The following FGF13 variants were observed in gnomAD, a reference collection of about 807,000 sequenced individuals.
FGF13 encodes the protein fibroblast growth factor 13.
A neutral mutation model predicts 19.5 loss-of-function variants in FGF13; 2 were observed. The ratio of observed to expected loss-of-function variants is 0.10; its 90% CI spans 0.04 to 0.32. The LOEUF (loss-of-function observed/expected upper bound fraction) is 0.32. FGF13 is among the 10% of genes least tolerant of loss of function. FGF13 has a pLI of 1.00. For synonymous variants in FGF13, 72 were observed against 76.9 expected (o/e 0.94, Z 0.33); for missense variants, 113 against 192.7 (o/e 0.59, Z 2.45).
chrX:139,135,849 T>C (rs2083795691), intron 1 of FGF13, among the ~76,000 whole-genome samples: 2 of 111,459 alleles, frequency 1.8e-5, no homozygotes, highest in Admixed American at 9.6e-5. Flanking sequence ...CCTATGGGGG[T>C]TCTGTCTCTG....
intron 3 of FGF13, among the ~76,000 whole-genome samples, chrX:138,781,485 A>G (rs901036121): frequency 1.8e-5 from 2 of 109,331 alleles, no homozygotes; most frequent in Non-Finnish European, 3.8e-5. Flanking sequence ...TAAAGGGGAT[A>G]TCACCACCGA....
chrX:139,131,878 G>C (rs1160712039), intron 1 of FGF13, among the ~76,000 whole-genome samples: 1 of 111,996 alleles, frequency 8.9e-6, no homozygotes, highest in Non-Finnish European at 1.9e-5. Flanking sequence ...TTTGCTACCA[G>C]TCTATTCATG....
chrX:139,102,652 T>C (rs1312309761), intron 1 of FGF13, among the ~76,000 whole-genome samples: 1 of 112,291 alleles, frequency 8.9e-6, no homozygotes, highest in African/African-American at 3.2e-5. Flanking sequence ...TAATAAGTCA[T>C]ACTTGATCCC....
At chrX:139,137,023 G>A (rs1185667545) in intron 1 of FGF13, among the ~76,000 whole-genome samples, 9 of 112,047 alleles carry the variant, frequency 8.0e-5, no homozygotes, top group Non-Finnish European at 1.5e-4. Flanking sequence ...ATTACACCTA[G>A]TATTAAGCCT....
chrX:138,665,299 C>T (rs2089530352), intron 3 of FGF13, among the ~76,000 whole-genome samples: 2 of 111,111 alleles, frequency 1.8e-5, no homozygotes, highest in South Asian at 3.8e-4. Context: ...GGGTTCAGCT[C>T]GAGCCAAGGC....
chrX:139,199,205 A>G (rs1365137486), intron 1 of FGF13, among the ~76,000 whole-genome samples: 2 of 112,425 alleles, frequency 1.8e-5, no homozygotes, highest in South Asian at 3.7e-4. Flanking sequence ...TGCTAAAACT[A>G]TATTATGTGC....
At chrX:138,917,693 T>G (rs2091624299) in intron 1 of FGF13, among the ~76,000 whole-genome samples, 2 of 112,448 alleles carry the variant, frequency 1.8e-5, no homozygotes, top group South Asian at 3.7e-4. Context: ...CTTTATATCT[T>G]CTGCTTCCTT....
chrX:139,175,412 G>A (rs1227674751), intron 1 of FGF13, among the ~76,000 whole-genome samples: 2 of 111,305 alleles, frequency 1.8e-5, no homozygotes, highest in African/African-American at 6.5e-5. Context: ...TTGCCTGATT[G>A]CCCTGGCCAG....
intron 1 of FGF13, among the ~76,000 whole-genome samples, chrX:139,071,822 C>T (rs1459645175): frequency 9.2e-6 from 1 of 108,795 alleles, no homozygotes; most frequent in Non-Finnish European, 1.9e-5. Context: ...TCAAGACCAT[C>T]CTGGCCAACA....
chrX:139,173,499 C>T (rs923602125), intron 1 of FGF13, among the ~76,000 whole-genome samples: 2 of 110,483 alleles, frequency 1.8e-5, no homozygotes, highest in Non-Finnish European at 3.8e-5. Flanking sequence ...GTTAGCTGCA[C>T]CCATCAACCC....
At chrX:138,857,558 G>C in exon 3 of FGF13, 1 of 1,208,090 alleles carries the variant, frequency 8.3e-7, no homozygotes, top group Non-Finnish European at 1.1e-6. Context: ...TCAGCGGGCA[G>C]CAGAAGATTT....
intron 3 of FGF13, among the ~76,000 whole-genome samples, chrX:138,785,957 A>G (rs950146701): frequency 2.7e-5 from 3 of 111,852 alleles, no homozygotes; most frequent in Middle Eastern, 4.2e-3. Context: ...CTCATTTTCA[A>G]ACATCATGTT....
intron 1 of FGF13, among the ~76,000 whole-genome samples, chrX:138,984,587 GAA>G (rs2091982387): frequency 2.1e-5 from 1 of 48,026 alleles, no homozygotes; most frequent in African/African-American, 8.2e-5. Context: ...AGAAGAAGAA[GAA>G]GGAGGAGGAG....
intron 1 of FGF13, among the ~76,000 whole-genome samples, chrX:138,902,671 CT>C (rs1183131481): frequency 8.9e-6 from 1 of 111,753 alleles, no homozygotes; most frequent in Non-Finnish European, 1.9e-5. Context: ...GATTAAAACT[CT>C]GCAAAGAAAA....
At chrX:139,014,414 A>G (rs1171549368) in intron 1 of FGF13, among the ~76,000 whole-genome samples, 1 of 111,817 alleles carries the variant, frequency 8.9e-6, no homozygotes, top group Non-Finnish European at 1.9e-5. Context: ...TCAGAGATGA[A>G]AAAAGAGATG....
chrX:139,196,795 G>A lies in FGF13; in HGVS notation c.-113+6621C>T, dbSNP rs770418509. 3.6e-5 allele frequency among the ~76,000 whole-genome samples: 4 copies of A among 111,923 alleles called. No homozygotes were observed. The Admixed American group carries it at 3.8e-4, about 11-fold the overall frequency. Reference sequence around the variant, plus strand: ...ATCTGTCACATTGAAGACTAGTGTGGATATTCATTCTCCATACATTGAATG... The same window carrying A: ...ATCTGTCACATTGAAGACTAGTGTGAATATTCATTCTCCATACATTGAATG... On this transcript the variant is annotated intron_variant, in intron 1 of 2. Transcript: ENST00000421460.
At position 138,624,671 on chromosome X, in the gene FGF13, G is replaced by A. The variant is rs2089042373; in HGVS notation, c.*8179C>T. 1 of 111,230 alleles carries A rather than the reference G, an allele frequency of 9.0e-6. No individual in the cohort carries two copies. Among genetic ancestry groups the A allele is most frequent in the Non-Finnish European group, 1.9e-5 (1 of 53,038 alleles). The allele number at this position is 111,230 out of a possible 1,213,427, so 9.2% of individuals were successfully genotyped here. Reference sequence around the variant, plus strand: ...AGGTGGGCAAGATGGCTTGAGCCCAGGAGTTTTAGACCAGCCTGGGCAACA... The same window carrying A: ...AGGTGGGCAAGATGGCTTGAGCCCAAGAGTTTTAGACCAGCCTGGGCAACA... On this transcript the variant is annotated 3_prime_UTR_variant, in exon 5 of 5. Coordinates refer to ENST00000315930, the MANE Select transcript of FGF13 (RefSeq NM_004114.5).
At chrX:139,185,296 C>G (rs1359884087) in intron 1 of FGF13, among the ~76,000 whole-genome samples, 1 of 112,189 alleles carries the variant, frequency 8.9e-6, no homozygotes, top group African/African-American at 3.2e-5. Flanking sequence ...TAATAAGTGT[C>G]TCTTTTAACC....
At chrX:138,742,174 T>G (rs1422372778), upstream of FGF13, among the ~76,000 whole-genome samples, 2 of 112,363 alleles carry the variant, frequency 1.8e-5, no homozygotes, top group Non-Finnish European at 3.8e-5. Context: ...CCCAGCTGCT[T>G]ACATGTTCCC....
Sources: gnomAD v4.1 joint callset for allele counts (sites outside exome capture counted in the v4.1 genomes callset) on GRCh38, gnomAD v4.1.1 for gene constraint, MANE v1.5 for transcripts, NCBI Gene and HGNC (gene_info 2026-07-23, HGNC 2026-07-21) for gene names.